Variants in GOLPH3 observed in about 807,000 individuals in gnomAD.
GOLPH3 encodes the protein coat protein GPP34.
A neutral mutation model predicts 28.5 loss-of-function variants in GOLPH3; 14 were observed. That is an observed-to-expected ratio of 0.49 (90% confidence interval 0.32 to 0.77). The LOEUF (loss-of-function observed/expected upper bound fraction) is 0.77, where lower values mean the gene tolerates loss of function less well. Ranked by LOEUF, GOLPH3 falls within the 30% of genes least tolerant of loss-of-function variation. The pLI is 0.03. For synonymous variants in GOLPH3, 158 were observed against 159.2 expected (o/e 0.99, Z 0.06); for missense variants, 350 against 393.7 (o/e 0.89, Z 0.94).
intron 1 of GOLPH3, among the ~76,000 whole-genome samples, chr5:32,171,434 A>G (rs1581561037): frequency 6.6e-6 from 1 of 151,696 alleles, no homozygotes; most frequent in Non-Finnish European, 1.5e-5. Flanking sequence ...ACAAATAGGT[A>G]TTTCCTCACT....
At chr5:32,158,655 A>G (rs1461489231) in intron 1 of GOLPH3, among the ~76,000 whole-genome samples, 2 of 151,816 alleles carry the variant, frequency 1.3e-5, no homozygotes, top group East Asian at 3.9e-4. Flanking sequence ...TTGTCAGGTT[A>G]CTCTTCTGCT....
intron 3 of GOLPH3, among the ~76,000 whole-genome samples, chr5:32,128,803 TA>T (rs754409274): frequency 0.01 from 1,443 of 140,172 alleles, 2 homozygotes; most frequent in African/African-American, 0.014. Flanking sequence ...GCATCGAAGT[TA>T]AAAAAAAAAA....
At chr5:32,165,163 G>A (rs969035886) in intron 1 of GOLPH3, among the ~76,000 whole-genome samples, 1 of 152,016 alleles carries the variant, frequency 6.6e-6, no homozygotes, top group Non-Finnish European at 1.5e-5. Context: ...GCCTCCCAAA[G>A]TGCTGGGATT....
intron 3 of GOLPH3, among the ~76,000 whole-genome samples, chr5:32,131,066 A>T (rs1745815801): frequency 6.6e-6 from 1 of 152,232 alleles, no homozygotes; most frequent in Admixed American, 6.5e-5. Context: ...AGGAAGCAAT[A>T]AAAAGGGACC....
chr5:32,137,797 C>G (rs933283095), intron 2 of GOLPH3, among the ~76,000 whole-genome samples: 1 of 152,034 alleles, frequency 6.6e-6, no homozygotes, highest in African/African-American at 2.4e-5. Flanking sequence ...GTTGGCTAAG[C>G]TATAAGTTTC....
At chr5:32,163,865 T>TA (rs1746648609) in intron 1 of GOLPH3, among the ~76,000 whole-genome samples, 1 of 152,192 alleles carries the variant, frequency 6.6e-6, no homozygotes, top group Non-Finnish European at 1.5e-5. Flanking sequence ...TTTAAGTTCT[T>TA]AAGTGTTATT....
intron 1 of GOLPH3, among the ~76,000 whole-genome samples, chr5:32,165,618 T>C (rs1168133289): frequency 6.6e-6 from 1 of 152,078 alleles, no homozygotes; most frequent in Non-Finnish European, 1.5e-5. Context: ...AACAGCAACA[T>C]AATTTAGTTT....
chr5:32,133,981 C>A (rs866506447), intron 3 of GOLPH3, among the ~76,000 whole-genome samples: 3 of 152,234 alleles, frequency 2.0e-5, no homozygotes, highest in South Asian at 2.1e-4. Context: ...TACGTTCTTA[C>A]CAATAAGAAA....
chr5:32,137,219 A>T (rs1441981069), intron 2 of GOLPH3, among the ~76,000 whole-genome samples: 1 of 151,400 alleles, frequency 6.6e-6, no homozygotes, highest in Non-Finnish European at 1.5e-5. Context: ...TCGGCCTCCC[A>T]AAGTGCTGGG....
At position 32,125,874 on chromosome 5, in the gene GOLPH3, C is replaced by T; in HGVS notation, c.*338G>A. The T allele has an allele frequency of 4.5e-6, 1 of 222,446 alleles. No individual in the cohort carries two copies. The highest frequency in any genetic ancestry group is 8.9e-6 in the Non-Finnish European group (1 of 112,218). The allele number at this position is 222,446 out of a possible 1,614,324, so 13.8% of individuals were successfully genotyped here. On this transcript the variant is annotated 3_prime_UTR_variant, in exon 4 of 4. Coordinates refer to ENST00000265070, the MANE Select transcript of GOLPH3 (RefSeq NM_022130.4). The stretch of plus-strand genomic sequence containing the variant: ...AGATGTACATGCACATATGGAGAAA[C>T]TCAAGCTGAGGTCATCCAAAAGCTG...
intron 1 of GOLPH3, among the ~76,000 whole-genome samples, chr5:32,147,214 A>G (rs1746196355): frequency 1.4e-5 from 2 of 147,714 alleles, no homozygotes; most frequent in Non-Finnish European, 3.1e-5. Flanking sequence ...GTAAAACACA[A>G]AAACAATCTA....
chr5:32,131,385 A>C (rs1177428148), intron 3 of GOLPH3, among the ~76,000 whole-genome samples: 1 of 152,244 alleles, frequency 6.6e-6, no homozygotes, highest in East Asian at 1.9e-4. Flanking sequence ...TAGCGTAAGT[A>C]AGACATCAGT....
Position 32,126,119 on chromosome 5 carries a change from TG to T in GOLPH3, c.*92del. On this transcript the variant is annotated 3_prime_UTR_variant, in exon 4 of 4. Transcript: ENST00000265070. ...TGTAAAACAGAAGCCAATTATAGTG[TG>T]GGAAAGTACAAATTACAGAAAACCA... 2 of 1,300,128 alleles carry T rather than the reference TG, an allele frequency of 1.5e-6. No homozygotes were observed. Among genetic ancestry groups the T allele is most frequent in the Admixed American group, 4.5e-5 (2 of 44,406 alleles). The allele number at this position is 1,300,128 out of a possible 1,614,324, so 80.5% of individuals were successfully genotyped here. A position where few individuals can be genotyped will look rare whatever the true frequency, so the allele number is the denominator to read the frequency against.
Position 32,148,370 on chromosome 5 carries a change from C to CA in GOLPH3, c.226-4491dup, listed in dbSNP as rs531787580. 2.0e-5 allele frequency among the ~76,000 whole-genome samples: 3 copies of CA among 152,278 alleles called. No homozygotes were observed. In the South Asian group the frequency reaches 6.2e-4, roughly 32 times the overall value. ...TTCAGTTACTAGTAGTCTGTATAGG[C>CA]ATAAAGTACTCAAAATAGTTTCATT... On this transcript the variant is annotated intron_variant, in intron 1 of 3. Coordinates refer to ENST00000265070, the MANE Select transcript of GOLPH3 (RefSeq NM_022130.4).
In GOLPH3 at chr5:32,174,027, G is replaced by A; in HGVS notation, c.8C>T (p.Ser3Leu). MT[S>L]LTQRSSGLVQ... Reference sequence around the variant, plus strand: ...CAGGCCGGAGCTGCGCTGGGTCAGCGAGGTCATGGCTCCCGCCGAGGCGCC... The same window carrying A: ...CAGGCCGGAGCTGCGCTGGGTCAGCAAGGTCATGGCTCCCGCCGAGGCGCC... The change falls in exon 1 of 4, where the codon TCG (serine) becomes TTG (leucine). Residue 3 changes from serine (S) to leucine (L), a missense_variant. Ser to Leu is a moderately radical substitution (Grantham distance 145). Coordinates refer to ENST00000265070, the MANE Select transcript of GOLPH3 (RefSeq NM_022130.4). 1.5e-6 allele frequency: 2 copies of A among 1,295,560 alleles called. No individual in the cohort carries two copies. Among genetic ancestry groups the A allele is most frequent in the Non-Finnish European group, 1.9e-6 (2 of 1,029,794 alleles). The allele number at this position is 1,295,560 out of a possible 1,614,324, so 80.3% of individuals were successfully genotyped here. A position where few individuals can be genotyped will look rare whatever the true frequency, so the allele number is the denominator to read the frequency against.
chr5:32,171,955 G>GAAAA (rs1219607148), intron 1 of GOLPH3, among the ~76,000 whole-genome samples: 1 of 138,644 alleles, frequency 7.2e-6, no homozygotes, highest in East Asian at 2.1e-4. Flanking sequence ...TCTAAAAAAA[G>GAAAA]AAAAAAAAAA....
At chr5:32,161,519 T>C (rs1306941648) in intron 1 of GOLPH3, among the ~76,000 whole-genome samples, 1 of 151,326 alleles carries the variant, frequency 6.6e-6, no homozygotes, top group Non-Finnish European at 1.5e-5. Context: ...TTTTGAGTTT[T>C]CTGATTTGGA....
At chr5:32,172,484 C>T (rs1746859443) in intron 1 of GOLPH3, among the ~76,000 whole-genome samples, 1 of 151,666 alleles carries the variant, frequency 6.6e-6, no homozygotes, top group East Asian at 1.9e-4. Flanking sequence ...ATCACTAGGT[C>T]AAGAGATCGA....
At chr5:32,135,407 T>C (rs955668777) in intron 3 of GOLPH3, among the ~76,000 whole-genome samples, 165 bp downstream of exon 3, 1 of 152,194 alleles carries the variant, frequency 6.6e-6, no homozygotes, top group Non-Finnish European at 1.5e-5. Context: ...GAGAATGAAA[T>C]TTTATAAAAA....
Sources: gnomAD v4.1 joint callset for allele counts (sites outside exome capture counted in the v4.1 genomes callset) on GRCh38, gnomAD v4.1.1 for gene constraint, MANE v1.5 for transcripts, NCBI Gene and HGNC (gene_info 2026-07-23, HGNC 2026-07-21) for gene names.